Variants in DRC8 observed in about 807,000 individuals in gnomAD.
The protein encoded by DRC8 is dynein regulatory complex subunit 8.
the DRC8 span, among the ~76,000 whole-genome samples, chr1:245,078,455 A>G: frequency 7.1e-5 from 1 of 14,000 alleles, no homozygotes; most frequent in African/African-American, 1.5e-4. Flanking sequence ...AGTGGATAGT[A>G]TATGTACACA....
chr1:245,055,658 T>TG, the DRC8 span, among the ~76,000 whole-genome samples: 1 of 152,192 alleles, frequency 6.6e-6, no homozygotes. Context: ...CAGTGATTGA[T>TG]GCAGTCCTCG....
the DRC8 span, among the ~76,000 whole-genome samples, chr1:245,040,876 G>C: frequency 1.8e-4 from 28 of 152,274 alleles, no homozygotes; most frequent in Middle Eastern, 0.014. Context: ...GAAAGCCAAA[G>C]CCTCTGCCCT....
At chr1:245,038,080 A>T in the DRC8 span, among the ~76,000 whole-genome samples, 2 of 152,224 alleles carry the variant, frequency 1.3e-5, no homozygotes, top group Non-Finnish European at 2.9e-5. Context: ...ACACAGTCTC[A>T]ATTAAAATAT....
chr1:244,986,728 T>C, the DRC8 span, among the ~76,000 whole-genome samples: 1 of 139,608 alleles, frequency 7.2e-6, no homozygotes. Flanking sequence ...CTGGGTAACA[T>C]AGTGAGACCC....
chr1:244,970,579 G>A, the DRC8 span: 1 of 1,144,224 alleles, frequency 8.7e-7, no homozygotes, highest in Non-Finnish European at 1.2e-6. Context: ...CTGAGGAGGG[G>A]GCCACCCGGC....
At chr1:245,068,815 A>T in the DRC8 span, among the ~76,000 whole-genome samples, 1 of 152,128 alleles carries the variant, frequency 6.6e-6, no homozygotes, top group Non-Finnish European at 1.5e-5. Flanking sequence ...CCACCTAATT[A>T]TATCACAAAT....
At chr1:244,987,675 T>A in the DRC8 span, among the ~76,000 whole-genome samples, 1 of 151,798 alleles carries the variant, frequency 6.6e-6, no homozygotes, top group Non-Finnish European at 1.5e-5. Flanking sequence ...GTCTGGAATA[T>A]GTATTGGTAT....
At chr1:245,120,604 T>C in the DRC8 span, among the ~76,000 whole-genome samples, 1 of 152,246 alleles carries the variant, frequency 6.6e-6, no homozygotes, top group Non-Finnish European at 1.5e-5. Context: ...TTTTGCCTGG[T>C]AGACTTTTGC....
the DRC8 span, among the ~76,000 whole-genome samples, chr1:245,103,874 CA>C: frequency 6.6e-6 from 1 of 152,076 alleles, no homozygotes; most frequent in Non-Finnish European, 1.5e-5. Context: ...AAGGTGATGA[CA>C]AAAGAAGGCC....
the DRC8 span, among the ~76,000 whole-genome samples, chr1:245,045,976 A>G: frequency 2.6e-5 from 4 of 152,136 alleles, no homozygotes; most frequent in Non-Finnish European, 5.9e-5. Context: ...CTTTCAATTT[A>G]GTTCTAGGAA....
the DRC8 span, among the ~76,000 whole-genome samples, chr1:245,048,377 C>G: frequency 6.6e-6 from 1 of 152,164 alleles, no homozygotes; most frequent in African/African-American, 2.4e-5. Flanking sequence ...TAACCAGCTT[C>G]TGAAGCCAAA....
At chr1:245,095,304 C>T in the DRC8 span, among the ~76,000 whole-genome samples, 1 of 152,180 alleles carries the variant, frequency 6.6e-6, no homozygotes, top group East Asian at 1.9e-4. Flanking sequence ...ACCAGCTACA[C>T]CCCGCTGGAG....
chr1:245,056,383 C>T, the DRC8 span, among the ~76,000 whole-genome samples: 66 of 152,278 alleles, frequency 4.3e-4, no homozygotes, highest in African/African-American at 1.6e-3. Flanking sequence ...GCAACCTCCG[C>T]CTCCTGCGTT....
At chr1:244,985,160 G>A in the DRC8 span, among the ~76,000 whole-genome samples, 1 of 145,436 alleles carries the variant, frequency 6.9e-6, no homozygotes, top group Non-Finnish European at 1.5e-5. Flanking sequence ...CTTCATCATA[G>A]AGAGCAATTT....
the DRC8 span, among the ~76,000 whole-genome samples, chr1:245,063,093 C>G: frequency 3.0e-4 from 45 of 152,302 alleles, no homozygotes; most frequent in Admixed American, 5.9e-4. Context: ...TCCCATGGAA[C>G]AGAATCCTCC....
At chr1:245,004,968 T>G in the DRC8 span, among the ~76,000 whole-genome samples, 1 of 152,362 alleles carries the variant, frequency 6.6e-6, no homozygotes, top group East Asian at 1.9e-4. Flanking sequence ...TTCCTAGTTT[T>G]CCGAGTGTTT....
the DRC8 span, among the ~76,000 whole-genome samples, chr1:244,980,946 G>T: frequency 2.0e-5 from 3 of 152,192 alleles, no homozygotes; most frequent in Non-Finnish European, 2.9e-5. Context: ...ACCTTGGGAG[G>T]CCCAGGCGGG....
the DRC8 span, chr1:245,059,526 C>A: frequency 1.5e-6 from 2 of 1,368,264 alleles, no homozygotes; most frequent in Non-Finnish European, 2.0e-6. Flanking sequence ...TAATTAAAAA[C>A]AATCCTTACC....
At chr1:245,107,719 C>G in the DRC8 span, among the ~76,000 whole-genome samples, 1 of 152,186 alleles carries the variant, frequency 6.6e-6, no homozygotes, top group African/African-American at 2.4e-5. Context: ...TCACAGCCCC[C>G]TGTGCACCAC....
Sources: allele counts gnomAD v4.1 joint callset (sites outside exome capture counted in the v4.1 genomes callset), GRCh38; gene constraint gnomAD v4.1.1; transcripts MANE v1.5; gene names NCBI Gene and HGNC (gene_info 2026-07-23, HGNC 2026-07-21).